NCALD: variants seen among roughly 807,000 people sequenced by gnomAD.
The protein encoded by NCALD is neurocalcin-delta.
A neutral mutation model predicts 18.6 loss-of-function variants in NCALD; 10 were observed. The observed-to-expected ratio is 0.54, with a 90% CI of 0.33 to 0.91. The LOEUF (loss-of-function observed/expected upper bound fraction) is 0.91, where lower values mean the gene tolerates loss of function less well. NCALD is among the 40% of genes least tolerant of loss of function. NCALD has a pLI of 0.03. For missense variants in NCALD, 184 were observed against 247.6 expected (o/e 0.74, Z 1.72); for synonymous variants, 88 against 87.4 (o/e 1.01, Z -0.04).
chr8:101,747,282 G>A (rs1161276356), intron 1 of NCALD, among the ~76,000 whole-genome samples: 1 of 152,178 alleles, frequency 6.6e-6, no homozygotes, highest in East Asian at 1.9e-4. Context: ...TTGGTTAGGG[G>A]AAGGCTAATG....
intron 1 of NCALD, among the ~76,000 whole-genome samples, chr8:101,730,152 A>T (rs1816753195): frequency 6.6e-6 from 1 of 152,136 alleles, no homozygotes; most frequent in Admixed American, 6.5e-5. Flanking sequence ...TATAAACAGG[A>T]TCATTCTATA....
chr8:102,059,840 T>C (rs1326744486), intron 1 of NCALD, among the ~76,000 whole-genome samples: 1 of 152,232 alleles, frequency 6.6e-6, no homozygotes, highest in Non-Finnish European at 1.5e-5. Flanking sequence ...GATAGGGCTG[T>C]GGTTCTCCAA....
intron 3 of NCALD, among the ~76,000 whole-genome samples, chr8:101,894,281 G>A (rs1256607322): frequency 4.0e-5 from 5 of 126,140 alleles, no homozygotes; most frequent in African/African-American, 3.8e-5. Context: ...ATAACGAAAT[G>A]AAGGCAGAAA....
chr8:101,795,221 AT>A (rs1812594886), upstream of NCALD, among the ~76,000 whole-genome samples: 1 of 152,208 alleles, frequency 6.6e-6, no homozygotes. Context: ...CTAGATATAT[AT>A]TTTTAATGGC....
intron 1 of NCALD, among the ~76,000 whole-genome samples, chr8:102,039,446 G>C (rs1229328827): frequency 6.6e-6 from 1 of 152,170 alleles, no homozygotes; most frequent in Non-Finnish European, 1.5e-5. Context: ...GCCTAAGAGA[G>C]AGCAATCACT....
chr8:101,883,821 G>A (rs1203688859), intron 4 of NCALD, among the ~76,000 whole-genome samples: 1 of 152,180 alleles, frequency 6.6e-6, no homozygotes, highest in African/African-American at 2.4e-5. Flanking sequence ...TTATCTGCCT[G>A]TTCCACTAGA....
chr8:101,855,396 G>T (rs1158501822), intron 4 of NCALD, among the ~76,000 whole-genome samples: 2 of 152,148 alleles, frequency 1.3e-5, no homozygotes, highest in African/African-American at 4.8e-5. Context: ...ATGAGAGGCA[G>T]CCTAGAATGT....
At chr8:101,970,580 G>A (rs1820205294) in intron 2 of NCALD, among the ~76,000 whole-genome samples, 1 of 152,130 alleles carries the variant, frequency 6.6e-6, no homozygotes, top group South Asian at 2.1e-4. Context: ...CAGTTGTTAA[G>A]TTTCAGGGCT....
At chr8:101,711,502 C>T (rs1815790239) in intron 2 of NCALD, among the ~76,000 whole-genome samples, 1 of 151,826 alleles carries the variant, frequency 6.6e-6, no homozygotes, top group Non-Finnish European at 1.5e-5. Flanking sequence ...TAACCCAATG[C>T]AAGGAAGCTA....
chr8:101,910,439 T>C (rs1289059050), intron 3 of NCALD, among the ~76,000 whole-genome samples: 2 of 139,982 alleles, frequency 1.4e-5, no homozygotes, highest in Non-Finnish European at 3.1e-5. Flanking sequence ...CCAAGAATAG[T>C]ACCAAATAAA....
intron 2 of NCALD, among the ~76,000 whole-genome samples, chr8:101,969,918 T>A (rs955934788): frequency 6.6e-6 from 1 of 151,348 alleles, no homozygotes; most frequent in Admixed American, 6.6e-5. Context: ...TAGAAATAAA[T>A]CTAAGTGTGT....
At chr8:101,919,721 GAACA>G (rs1818096578) in intron 2 of NCALD, among the ~76,000 whole-genome samples, 1 of 151,170 alleles carries the variant, frequency 6.6e-6, no homozygotes, top group Admixed American at 6.6e-5. Context: ...CAAAAAATGT[GAACA>G]GACATGTCCC....
At chr8:101,879,567 G>A (rs890982637) in intron 4 of NCALD, among the ~76,000 whole-genome samples, 3 of 152,150 alleles carry the variant, frequency 2.0e-5, no homozygotes, top group African/African-American at 7.2e-5. Context: ...ACTGTGTGGT[G>A]GGACCTCAAC....
At chr8:101,711,113 C>A (rs1200576573) in intron 2 of NCALD, among the ~76,000 whole-genome samples, 1 of 152,150 alleles carries the variant, frequency 6.6e-6, no homozygotes, top group Non-Finnish European at 1.5e-5. Context: ...GCTGGTGATA[C>A]CCAGGCAAAC....
intron 1 of NCALD, among the ~76,000 whole-genome samples, chr8:102,037,874 A>G (rs1822925001): frequency 6.6e-6 from 1 of 152,154 alleles, no homozygotes; most frequent in African/African-American, 2.4e-5. Context: ...AGAGTAAACA[A>G]TCCTGGATCT....
chr8:102,003,108 A>C (rs1377814562), intron 2 of NCALD, among the ~76,000 whole-genome samples: 2 of 152,218 alleles, frequency 1.3e-5, no homozygotes, highest in African/African-American at 4.8e-5. Flanking sequence ...TCTTGAAAAG[A>C]TCAACAAAAT....
chr8:102,047,905 T>A (rs878930417), intron 1 of NCALD, among the ~76,000 whole-genome samples: 1 of 152,168 alleles, frequency 6.6e-6, no homozygotes, highest in Admixed American at 6.5e-5. Context: ...TGATGCTATT[T>A]TTACATTTAC....
At chr8:101,763,877 G>A (rs925629244) in intron 1 of NCALD, among the ~76,000 whole-genome samples, 16 of 151,216 alleles carry the variant, frequency 1.1e-4, no homozygotes, top group African/African-American at 3.9e-4. Flanking sequence ...TGGGTCTCCC[G>A]CTTGCCAAGT....
intron 1 of NCALD, among the ~76,000 whole-genome samples, chr8:102,027,671 CA>C (rs1454478353): frequency 1.3e-5 from 2 of 152,120 alleles, no homozygotes; most frequent in African/African-American, 4.8e-5. Context: ...ACACCCAGAA[CA>C]AATTTACTGT....
Sources: allele counts gnomAD v4.1 joint callset (sites outside exome capture counted in the v4.1 genomes callset), GRCh38; gene constraint gnomAD v4.1.1; transcripts MANE v1.5; gene names NCBI Gene and HGNC (gene_info 2026-07-23, HGNC 2026-07-21).